The following ADAMTSL1 variants were observed in gnomAD, a reference collection of about 807,000 sequenced individuals.
ADAMTSL1 encodes ADAMTS like 1.
In ADAMTSL1, 126 loss-of-function variants were observed where a neutral mutation model predicts 201.8. The ratio of observed to expected loss-of-function variants is 0.62; its 90% CI spans 0.54 to 0.72. The LOEUF is 0.72. Ranked by LOEUF, ADAMTSL1 falls within the 30% of genes least tolerant of loss-of-function variation. The pLI, the probability that ADAMTSL1 is intolerant of heterozygous loss-of-function variation, is 0.00. For missense variants in ADAMTSL1, 2,679 were observed against 2,277.8 expected (o/e 1.18, Z -3.59); for synonymous variants, 1,121 against 903.4 (o/e 1.24, Z -4.32).
Position 18,777,523 on chromosome 9 carries a change from G to A in ADAMTSL1, c.3294G>A (p.Lys1098=), listed in dbSNP as rs765987126. ...AGGAGCTGCGCGACCTCTACAGCAA[G>A]CACCTGGTGGCCCAGCTGGCCCAGG... is the stretch of plus-strand genomic sequence containing the variant. The part of the protein sequence containing the change: ...QPEELRDLYS[K]HLVAQLAQEI... Residue 1098 remains lysine, a synonymous_variant, in exon 19 of 29, where the codon AAG becomes AAA. Transcript: ENST00000380548. The A allele has an allele frequency of 1.2e-6, 2 of 1,601,488 alleles. No homozygotes were observed. The highest frequency in any genetic ancestry group is 1.7e-6 in the Non-Finnish European group (2 of 1,174,460).
At chr9:18,067,872 G>T (rs1822778658) in intron 1 of ADAMTSL1, among the ~76,000 whole-genome samples, 1 of 152,174 alleles carries the variant, frequency 6.6e-6, no homozygotes, top group African/African-American at 2.4e-5. Context: ...CTTTTCTAGA[G>T]CCTCCTGGTA....
intron 1 of ADAMTSL1, among the ~76,000 whole-genome samples, chr9:18,076,969 T>C (rs1823259367): frequency 6.6e-6 from 1 of 152,092 alleles, no homozygotes; most frequent in Non-Finnish European, 1.5e-5. Flanking sequence ...CGCTGTTAGA[T>C]GGCTACGGAA....
intron 1 of ADAMTSL1, among the ~76,000 whole-genome samples, chr9:18,104,483 G>T (rs903170815): frequency 6.6e-6 from 1 of 152,116 alleles, no homozygotes; most frequent in African/African-American, 2.4e-5. Context: ...CACCACCAGT[G>T]CTGCCCATAA....
At chr9:18,903,099 G>T (rs577862005) in intron 26 of ADAMTSL1, among the ~76,000 whole-genome samples, 147 of 152,264 alleles carry the variant, frequency 9.7e-4, no homozygotes, top group African/African-American at 3.4e-3. Flanking sequence ...CAGCTACTTG[G>T]GATGCTGAGG....
intron 20 of ADAMTSL1, among the ~76,000 whole-genome samples, chr9:18,804,450 T>C (rs966037884): frequency 6.6e-6 from 1 of 152,192 alleles, no homozygotes; most frequent in East Asian, 1.9e-4. Flanking sequence ...TCCTGCACTA[T>C]AAAATGCAAA....
At chr9:18,759,908 T>C (rs552838820) in intron 16 of ADAMTSL1, among the ~76,000 whole-genome samples, 1 of 152,334 alleles carries the variant, frequency 6.6e-6, no homozygotes, top group South Asian at 2.1e-4. Flanking sequence ...GTTTAGTAAG[T>C]GAGATTCCAG....
chr9:18,030,198 C>T (rs1820885894), intron 1 of ADAMTSL1, among the ~76,000 whole-genome samples: 2 of 152,168 alleles, frequency 1.3e-5, no homozygotes, highest in East Asian at 3.8e-4. Flanking sequence ...ACATATACAC[C>T]ATGGAATACT....
intron 2 of ADAMTSL1, among the ~76,000 whole-genome samples, chr9:18,461,568 A>G (rs1361952530): frequency 6.6e-6 from 1 of 152,096 alleles, no homozygotes. Flanking sequence ...TTACCTTTTT[A>G]TTTAATCTAC....
At chr9:18,806,533 C>T (rs1470544201) in intron 20 of ADAMTSL1, among the ~76,000 whole-genome samples, 3 of 152,224 alleles carry the variant, frequency 2.0e-5, no homozygotes, top group African/African-American at 7.2e-5. Context: ...ACAGTGCTTA[C>T]AATGCTCTCT....
At chr9:18,867,062 A>G (rs970739814) in intron 23 of ADAMTSL1, among the ~76,000 whole-genome samples, 3 of 152,234 alleles carry the variant, frequency 2.0e-5, no homozygotes, top group African/African-American at 7.2e-5. Context: ...TCTTGCAAGG[A>G]AAGTTGGAAA....
chr9:18,060,973 C>G (rs1303643774), intron 1 of ADAMTSL1, among the ~76,000 whole-genome samples: 2 of 152,170 alleles, frequency 1.3e-5, no homozygotes, highest in Non-Finnish European at 2.9e-5. Context: ...AAGTAACTCA[C>G]ACTGGATGAG....
intron 1 of ADAMTSL1, among the ~76,000 whole-genome samples, chr9:18,141,962 T>C (rs1425843453): frequency 6.6e-6 from 1 of 152,212 alleles, no homozygotes; most frequent in Non-Finnish European, 1.5e-5. Context: ...CCCAGGGCTG[T>C]GGCCAGGTTC....
chr9:18,732,251 G>A (rs1318551384), intron 15 of ADAMTSL1, among the ~76,000 whole-genome samples: 1 of 152,104 alleles, frequency 6.6e-6, no homozygotes, highest in Non-Finnish European at 1.5e-5. Context: ...CTAGTATGGG[G>A]CAGGGTAAAG....
chr9:18,372,894 T>C (rs1837109196), intron 2 of ADAMTSL1, among the ~76,000 whole-genome samples: 1 of 152,184 alleles, frequency 6.6e-6, no homozygotes, highest in Non-Finnish European at 1.5e-5. Context: ...CAACAAACTA[T>C]GGAATCATCT....
chr9:17,977,029 T>TA (rs1438903783), intron 1 of ADAMTSL1, among the ~76,000 whole-genome samples: 1 of 152,100 alleles, frequency 6.6e-6, no homozygotes, highest in South Asian at 2.1e-4. Flanking sequence ...TGAGAGTTTT[T>TA]ATTATAATAG....
rs771947005 is a variant in ADAMTSL1 at position 18,776,963 on chromosome 9, G to C, written c.2734G>C (p.Glu912Gln). Residue 912 changes from glutamate to glutamine, a missense_variant, in exon 19 of 29, where the codon GAG (glutamate) becomes CAG (glutamine). Transcript: ENST00000380548. Reference sequence around the variant, plus strand: ...GGTCCGCAAGCCCCTCATCACCTGGGAGAAGGACGGCCAGCACCTCATCAG... The same window carrying C: ...GGTCCGCAAGCCCCTCATCACCTGGCAGAAGGACGGCCAGCACCTCATCAG... ...RRVRKPLITW[E>Q]KDGQHLISST... 2.5e-6 allele frequency: 4 copies of C among 1,598,086 alleles called. No homozygotes were observed. In the African/African-American group the frequency reaches 5.4e-5, roughly 21 times the overall value.
intron 2 of ADAMTSL1, among the ~76,000 whole-genome samples, chr9:18,258,503 TCTTCC>T (rs1300222113): frequency 6.6e-6 from 1 of 152,178 alleles, no homozygotes; most frequent in African/African-American, 2.4e-5. Flanking sequence ...CATTCTCTCT[TCTTCC>T]CTTAATCTGC....
At chr9:18,154,131 C>CT (rs904529096) in intron 1 of ADAMTSL1, among the ~76,000 whole-genome samples, 4 of 151,946 alleles carry the variant, frequency 2.6e-5, no homozygotes, top group Admixed American at 6.6e-5. Context: ...AAAAGCACCC[C>CT]TTTTTTGTGC....
At chr9:18,048,169 G>C (rs1821758740) in intron 1 of ADAMTSL1, among the ~76,000 whole-genome samples, 1 of 152,110 alleles carries the variant, frequency 6.6e-6, no homozygotes, top group South Asian at 2.1e-4. Flanking sequence ...TATGTACTAG[G>C]TTATTATGGG....
Sources: allele counts gnomAD v4.1 joint callset (sites outside exome capture counted in the v4.1 genomes callset), GRCh38; gene constraint gnomAD v4.1.1; transcripts MANE v1.5; gene names NCBI Gene and HGNC (gene_info 2026-07-23, HGNC 2026-07-21).